Variants in BMPER observed in about 807,000 individuals in gnomAD.
BMPER encodes the protein BMP binding endothelial regulator.
A neutral mutation model predicts 87.3 loss-of-function variants in BMPER; 45 were observed. That is an observed-to-expected ratio of 0.52 (90% CI 0.41 to 0.66). BMPER has a LOEUF of 0.66. BMPER is among the 30% of genes least tolerant of loss of function. The pLI is 0.00. For synonymous variants in BMPER, 326 were observed against 316.2 expected, an observed-to-expected ratio of 1.03 and a Z score of -0.33; for missense variants, 784 against 867.5, an observed-to-expected ratio of 0.90 and a Z score of 1.21.
At chr7:33,942,688 T>G (rs977129437) in intron 3 of BMPER, among the ~76,000 whole-genome samples, 1 of 152,206 alleles carries the variant, frequency 6.6e-6, no homozygotes, top group Non-Finnish European at 1.5e-5. Context: ...TTACCTATCC[T>G]GGTCAATATA....
rs562748054 is a variant in BMPER, at chr7:34,032,650, C to T, written c.577-13656C>T. 2.0e-5 allele frequency among the ~76,000 whole-genome samples: 3 copies of T among 152,212 alleles called. No individual in the cohort carries two copies. The South Asian group carries it at 6.2e-4, about 32-fold the overall frequency. ...GTTCGGAATGTTTGAGAAGAGAATC[C>T]TTTAATATTTTTACCATGAACAATT... On this transcript the variant is annotated intron_variant, in intron 6 of 14. Transcript: ENST00000649409.
At chr7:33,917,699 T>G in intron 2 of BMPER, among the ~76,000 whole-genome samples, 1 of 152,206 alleles carries the variant, frequency 6.6e-6, no homozygotes, top group Middle Eastern at 3.2e-3. Context: ...TAATGATCAT[T>G]GCATTTTAAC....
intron 12 of BMPER, among the ~76,000 whole-genome samples, chr7:34,081,374 CA>C (rs571404379): frequency 3.8e-4 from 58 of 152,330 alleles, no homozygotes; most frequent in African/African-American, 1.4e-3. Context: ...CAAGTTTCTT[CA>C]AAAACTCAAG....
intron 3 of BMPER, among the ~76,000 whole-genome samples, chr7:33,949,129 C>G (rs546277667): frequency 6.6e-6 from 1 of 152,246 alleles, no homozygotes; most frequent in East Asian, 1.9e-4. Flanking sequence ...TGTCCTTTAT[C>G]TGGGAACCCT....
chr7:33,995,861 G>T (rs1786396451), intron 6 of BMPER, among the ~76,000 whole-genome samples: 1 of 152,174 alleles, frequency 6.6e-6, no homozygotes, highest in African/African-American at 2.4e-5. Flanking sequence ...TTCTACCTGG[G>T]ATCTGGCCCC....
At chr7:33,999,454 AT>A (rs1360802375) in intron 6 of BMPER, among the ~76,000 whole-genome samples, 5 of 152,228 alleles carry the variant, frequency 3.3e-5, no homozygotes, top group Non-Finnish European at 7.3e-5. Context: ...TAATTTTTGT[AT>A]GTTCAAATTT....
chr7:33,905,827 GA>G, intron 1 of BMPER, 81 bp downstream of exon 1: 4 of 529,266 alleles, frequency 7.6e-6, no homozygotes, highest in East Asian at 6.0e-5. Flanking sequence ...TTGCCCCGGG[GA>G]TGGGAGGGTG....
rs149389373 is a variant in BMPER at position 34,120,901 on chromosome 7, G to A, written c.1746-22329G>A. Among the ~76,000 whole-genome samples the A allele has an allele frequency of 1.2e-3, 188 of 152,060 alleles. 1 individual carries two copies. The highest frequency in any genetic ancestry group is 3.9e-3 in the African/African-American group (163 of 41,490). ...CGATATATAGTGTAATACCATGTAC[G>A]TAAAATTCAGAATATCAAGGAATAT... On this transcript the variant is annotated intron_variant, in intron 13 of 14. Coordinates refer to ENST00000649409, the MANE Select transcript of BMPER (RefSeq NM_001365308.1).
At chr7:33,967,237 A>T (rs759924285) in intron 4 of BMPER, among the ~76,000 whole-genome samples, 11 of 152,236 alleles carry the variant, frequency 7.2e-5, no homozygotes, top group Non-Finnish European at 1.5e-4. Flanking sequence ...ATAATCTGCC[A>T]CAAATTATGC....
At chr7:34,024,030 G>T (rs1455478681) in intron 6 of BMPER, among the ~76,000 whole-genome samples, 1 of 151,820 alleles carries the variant, frequency 6.6e-6, no homozygotes, top group Non-Finnish European at 1.5e-5. Context: ...AATGGAAATT[G>T]GATGGAAATC....
At chr7:33,938,801 G>A (rs556567426) in intron 3 of BMPER, among the ~76,000 whole-genome samples, 11 of 152,194 alleles carry the variant, frequency 7.2e-5, no homozygotes, top group East Asian at 5.8e-4. Context: ...CAAAGTGGGC[G>A]GATTACTTTA....
chr7:34,071,481 A>G (rs1329781676), intron 11 of BMPER, among the ~76,000 whole-genome samples: 2 of 152,230 alleles, frequency 1.3e-5, no homozygotes, highest in African/African-American at 4.8e-5. Context: ...TAATATGCTC[A>G]ATGACTGCCA....
intron 13 of BMPER, among the ~76,000 whole-genome samples, chr7:34,112,454 C>A (rs2127986495): frequency 7.3e-6 from 1 of 137,532 alleles, no homozygotes; most frequent in South Asian, 2.2e-4. Context: ...CGAGAGACGC[C>A]ACAGGACTCC....
chr7:34,139,605 C>T (rs1583474466), intron 13 of BMPER, among the ~76,000 whole-genome samples: 1 of 152,212 alleles, frequency 6.6e-6, no homozygotes, highest in East Asian at 1.9e-4. Context: ...AGGAGAACCG[C>T]AATCCACCAC....
intron 3 of BMPER, among the ~76,000 whole-genome samples, chr7:33,953,048 G>A (rs549675429): frequency 6.6e-6 from 1 of 152,340 alleles, no homozygotes; most frequent in South Asian, 2.1e-4. Flanking sequence ...CTTGGGCATT[G>A]ACTGGCTGAT....
chr7:34,112,662 G>A (rs1375505327), intron 13 of BMPER, among the ~76,000 whole-genome samples: 1 of 151,880 alleles, frequency 6.6e-6, no homozygotes, highest in Middle Eastern at 3.2e-3. Context: ...TGTTTTTTCA[G>A]TCTGAGAATA....
intron 2 of BMPER, among the ~76,000 whole-genome samples, chr7:33,913,573 C>T (rs186111869): frequency 1.3e-5 from 2 of 152,102 alleles, no homozygotes; most frequent in African/African-American, 4.8e-5. Flanking sequence ...CCAATGTTGC[C>T]CGGTCTTTTG....
chr7:33,965,027 A>G (rs1032858405), intron 3 of BMPER, among the ~76,000 whole-genome samples: 5 of 152,188 alleles, frequency 3.3e-5, no homozygotes, highest in Non-Finnish European at 7.3e-5. Context: ...TTTGTTCAGT[A>G]AGATTTATGC....
At chr7:33,952,649 C>G (rs1034947290) in intron 3 of BMPER, among the ~76,000 whole-genome samples, 5 of 152,170 alleles carry the variant, frequency 3.3e-5, no homozygotes, top group Non-Finnish European at 7.3e-5. Flanking sequence ...GAGGAAGATG[C>G]ATGAGTGTGC....
Sources: gnomAD v4.1 joint callset for allele counts (sites outside exome capture counted in the v4.1 genomes callset) on GRCh38, gnomAD v4.1.1 for gene constraint, MANE v1.5 for transcripts, NCBI Gene and HGNC (gene_info 2026-07-23, HGNC 2026-07-21) for gene names.